MARK1: variants seen among roughly 807,000 people sequenced by gnomAD.
The protein encoded by MARK1 is serine/threonine-protein kinase MARK1.
A neutral mutation model predicts 96.3 loss-of-function variants in MARK1; 40 were observed. The ratio of observed to expected loss-of-function variants is 0.42; its 90% confidence interval spans 0.32 to 0.54. MARK1 has a LOEUF of 0.54. Ranked by LOEUF, MARK1 falls within the 20% of genes least tolerant of loss-of-function variation. The probability of loss-of-function intolerance (pLI) is 0.16; values close to 1 mark genes in which losing one functional copy is unlikely to be tolerated. For missense variants in MARK1, 719 were observed against 984.6 expected, an observed-to-expected ratio of 0.73 and a Z score of 3.61; for synonymous variants, 317 against 341.2, an observed-to-expected ratio of 0.93 and a Z score of 0.78.
At chr1:220,569,741 G>T (rs1170818088) in intron 1 of MARK1, among the ~76,000 whole-genome samples, 1 of 151,936 alleles carries the variant, frequency 6.6e-6, no homozygotes, top group African/African-American at 2.4e-5. Context: ...TTAGACAAAG[G>T]TTTTTAAAAA....
intron 1 of MARK1, among the ~76,000 whole-genome samples, chr1:220,541,887 A>G (rs1405452701): frequency 6.6e-6 from 1 of 152,308 alleles, no homozygotes; most frequent in East Asian, 1.9e-4. Context: ...ATTTGGTGCA[A>G]TTAGTGATAG....
At chr1:220,570,064 T>G (rs1454946514) in intron 1 of MARK1, among the ~76,000 whole-genome samples, 1 of 152,142 alleles carries the variant, frequency 6.6e-6, no homozygotes, top group Non-Finnish European at 1.5e-5. Flanking sequence ...AGTGCAAGGA[T>G]GTAAGAAACA....
At chr1:220,651,956 A>G (rs779944663) in intron 14 of MARK1, 30 bp from the exon 15 acceptor site, 1 of 1,466,602 alleles carries the variant, frequency 6.8e-7, no homozygotes, top group Non-Finnish European at 9.1e-7. Context: ...CTTTTTTTCC[A>G]TGGTCTTCTC....
intron 6 of MARK1, among the ~76,000 whole-genome samples, chr1:220,606,619 G>A (rs1043998996): frequency 3.3e-5 from 5 of 152,128 alleles, no homozygotes; most frequent in Admixed American, 3.3e-4. Flanking sequence ...GTCCTTAATG[G>A]TATTGCCTAG....
chr1:220,642,782 A>G (rs11118584), intron 13 of MARK1, among the ~76,000 whole-genome samples: 88,635 of 152,062 alleles, frequency 0.58, 27,209 homozygotes, highest in Non-Finnish European at 0.68. Context: ...GCAGACAGCA[A>G]TCTGCTGTTC....
At chr1:220,607,926 C>G (rs1666184526) in intron 6 of MARK1, among the ~76,000 whole-genome samples, 2 of 152,062 alleles carry the variant, frequency 1.3e-5, no homozygotes, top group Admixed American at 1.3e-4. Flanking sequence ...GGTGGATAAG[C>G]CTTTTGATGT....
intron 12 of MARK1, 42 bp from the exon 13 acceptor site, chr1:220,635,791 G>C: frequency 6.9e-7 from 1 of 1,443,856 alleles, no homozygotes; most frequent in Non-Finnish European, 9.4e-7. Context: ...AAGTAGATCA[G>C]TTGTTTTTCA....
Position 220,664,455 on chromosome 1 carries a change from G to T in MARK1, c.*2289G>T, listed in dbSNP as rs1431805199. On this transcript the variant is annotated 3_prime_UTR_variant, in exon 18 of 18. Transcript: ENST00000366917. ...TCCCTTATATTAAATTAATTATTTT[G>T]TAGAAACTGGGGCACAGCATTTTAT... 2.0e-5 allele frequency: 3 copies of T among 151,960 alleles called. No homozygotes were observed. The highest frequency in any genetic ancestry group is 4.4e-5 in the Non-Finnish European group (3 of 68,014). The allele number at this position is 151,960 out of a possible 1,614,324, so 9.4% of individuals were successfully genotyped here.
At position 220,635,407 on chromosome 1, in the gene MARK1, A is replaced by G. The variant is rs754844776; in HGVS notation, c.1154A>G (p.Asn385Ser). 29 of 1,610,952 alleles carry G rather than the reference A, an allele frequency of 1.8e-5. No homozygotes were observed. Among genetic ancestry groups the G allele is most frequent in the Middle Eastern group, 1.7e-4 (1 of 6,056 alleles). Reference protein sequence around the residue: ...FEGGESLSSGNLCQRSRPSSD... With the variant: ...FEGGESLSSGSLCQRSRPSSD... Reference sequence around the variant, plus strand: ...GGTGGTGAATCGTTATCCAGTGGAAACTTGTGTCAGAGGTCCCGGCCCAGT... The same window carrying G: ...GGTGGTGAATCGTTATCCAGTGGAAGCTTGTGTCAGAGGTCCCGGCCCAGT... Residue 385 changes from asparagine to serine, a missense_variant, in exon 12 of 18, where the codon AAC becomes AGC. This residue lies in a region of MARK1 where 501 missense variants were observed against 588.3 expected (regional missense o/e 0.85). Transcript: ENST00000366917.
intron 14 of MARK1, among the ~76,000 whole-genome samples, chr1:220,651,634 C>T (rs1668882583): frequency 6.6e-6 from 1 of 152,148 alleles, no homozygotes; most frequent in Non-Finnish European, 1.5e-5. Flanking sequence ...CAACATATCA[C>T]ACCAAACTGT....
chr1:220,650,306 C>G (rs148196491), intron 13 of MARK1, among the ~76,000 whole-genome samples: 214 of 152,242 alleles, frequency 1.4e-3, no homozygotes, highest in African/African-American at 4.9e-3. Flanking sequence ...GCTGCTCACA[C>G]CCCTGCTCCT....
At chr1:220,637,592 T>A (rs1668034007) in intron 13 of MARK1, among the ~76,000 whole-genome samples, 1 of 151,994 alleles carries the variant, frequency 6.6e-6, no homozygotes, top group South Asian at 2.1e-4. Context: ...GGCAGGAGAA[T>A]CTCTGGAACC....
intron 1 of MARK1, among the ~76,000 whole-genome samples, chr1:220,574,158 A>G (rs1572105359): frequency 6.6e-6 from 1 of 152,212 alleles, no homozygotes; most frequent in East Asian, 1.9e-4. Flanking sequence ...TTGATACTCT[A>G]TGGAGACTCT....
intron 2 of MARK1, among the ~76,000 whole-genome samples, chr1:220,580,521 A>C (rs1164642779): frequency 6.6e-6 from 1 of 152,086 alleles, no homozygotes; most frequent in African/African-American, 2.4e-5. Context: ...ATAAATTTTC[A>C]CTTTGCTCTA....
intron 16 of MARK1, 124 bp downstream of exon 16, chr1:220,653,476 T>C: frequency 9.8e-7 from 1 of 1,022,372 alleles, no homozygotes; most frequent in Non-Finnish European, 1.3e-6. Context: ...AGAGCTGCTC[T>C]TTTACAGAGT....
At chr1:220,599,069 T>C (rs1665568779) in intron 4 of MARK1, among the ~76,000 whole-genome samples, 1 of 152,108 alleles carries the variant, frequency 6.6e-6, no homozygotes, top group South Asian at 2.1e-4. Context: ...TGCACTTGGG[T>C]TTGATCATAG....
chr1:220,647,941 G>T (rs958946805), intron 13 of MARK1, among the ~76,000 whole-genome samples: 1 of 151,974 alleles, frequency 6.6e-6, no homozygotes, highest in Non-Finnish European at 1.5e-5. Context: ...GCTATTGCAT[G>T]CTGGGCTTAA....
intron 1 of MARK1, chr1:220,572,143 G>T (rs1019476605): frequency 6.6e-6 from 1 of 152,204 alleles, no homozygotes; most frequent in East Asian, 1.9e-4. Flanking sequence ...AAGTGTTCTT[G>T]ACTTAGAGTT....
chr1:220,609,366 A>G (rs1232279260), intron 6 of MARK1, among the ~76,000 whole-genome samples: 2 of 152,214 alleles, frequency 1.3e-5, no homozygotes, highest in Admixed American at 6.5e-5. Context: ...ATCAGAGACT[A>G]GGATTGCAAC....
Sources: gnomAD v4.1 joint callset for allele counts (sites outside exome capture counted in the v4.1 genomes callset) on GRCh38, gnomAD v4.1.1 for gene constraint, gnomAD v4.1.1 regional missense constraint, MANE v1.5 for transcripts, NCBI Gene and HGNC (gene_info 2026-07-23, HGNC 2026-07-21) for gene names.